Variants in JHY observed in about 807,000 individuals in gnomAD.
JHY encodes jhy protein homolog.
Under a neutral mutation model 78.0 loss-of-function variants are expected in JHY, and 69 were observed. The ratio of observed to expected loss-of-function variants is 0.88; its 90% CI spans 0.73 to 1.08. The LOEUF (loss-of-function observed/expected upper bound fraction) is 1.08, where lower values mean the gene tolerates loss of function less well. JHY is among the 50% of genes least tolerant of loss of function. JHY has a pLI of 0.00. For missense variants in JHY, 944 were observed against 927.8 expected, an observed-to-expected ratio of 1.02 and a Z score of -0.23; for synonymous variants, 368 against 342.6, an observed-to-expected ratio of 1.07 and a Z score of -0.82.
rs575515968 is a variant in JHY at position 122,883,297 on chromosome 11, G to T, written c.-90+325G>T. Among the ~76,000 whole-genome samples the T allele has an allele frequency of 6.6e-6, 1 of 152,282 alleles. No individual in the cohort carries two copies. The highest frequency in any genetic ancestry group is 2.1e-4 in the South Asian group (1 of 4,824). On this transcript the variant is annotated intron_variant, in intron 1 of 8. Transcript: ENST00000227349. The surrounding 1 kb of genome is among the most constrained non-coding windows in gnomAD (Gnocchi z 4.4). ...CCCTTGTGACAGGCCTTGTTCCTCA[G>T]GAACAAGCAAAGGTAGAAAACCGAA...
At position 122,898,804 on chromosome 11, in the gene JHY, C is replaced by A. The variant is rs1338892466; in HGVS notation, c.345-5121C>A. Among the ~76,000 whole-genome samples, 1 of 152,240 alleles carries A rather than the reference C, an allele frequency of 6.6e-6. No homozygotes were observed. Among genetic ancestry groups the A allele is most frequent in the African/African-American group, 2.4e-5 (1 of 41,464 alleles). On this transcript the variant is annotated intron_variant, in intron 2 of 8. Transcript: ENST00000227349. The surrounding 1 kb of genome is among the most constrained non-coding windows in gnomAD (Gnocchi z 4.4). ...GGTTAATTTTGTTAAGCCCGAGCTGCTTCAAGTGTTTGCAACGTCCCTCGA... is the reference window on the plus strand; with the variant it reads ...GGTTAATTTTGTTAAGCCCGAGCTGATTCAAGTGTTTGCAACGTCCCTCGA...
intron 3 of JHY, among the ~76,000 whole-genome samples, chr11:122,906,636 T>C (rs564785763): frequency 1.3e-5 from 2 of 152,340 alleles, no homozygotes; most frequent in Middle Eastern, 6.8e-3. Context: ...TAGTCTGAGG[T>C]CAAAAGAAAT....
chr11:122,902,482 G>A (rs1412409886), intron 2 of JHY, among the ~76,000 whole-genome samples: 1 of 151,952 alleles, frequency 6.6e-6, no homozygotes, highest in Non-Finnish European at 1.5e-5. Flanking sequence ...AAAAAGTATA[G>A]TATAGTGTAT....
chr11:122,942,115 A>G (rs1591394712), intron 5 of JHY, among the ~76,000 whole-genome samples: 1 of 151,906 alleles, frequency 6.6e-6, no homozygotes, highest in Admixed American at 6.6e-5. Flanking sequence ...CTGGTGATCC[A>G]CCCACCTCGG....
chr11:122,889,160 T>C (rs1054045974), intron 2 of JHY, among the ~76,000 whole-genome samples: 1 of 152,232 alleles, frequency 6.6e-6, no homozygotes, highest in Non-Finnish European at 1.5e-5. Context: ...TGTCCTATTA[T>C]AGATTTAAAT....
intron 4 of JHY, among the ~76,000 whole-genome samples, chr11:122,926,512 A>T (rs2135343784): frequency 6.6e-6 from 1 of 152,324 alleles, no homozygotes; most frequent in African/African-American, 2.4e-5. Context: ...GCAAAAAAAG[A>T]AATAAAAAGT....
chr11:122,962,833 A>G lies in JHY; in HGVS notation c.*3388A>G, dbSNP rs545412577. Among the ~76,000 whole-genome samples the G allele has an allele frequency of 1.3e-5, 2 of 152,330 alleles. No homozygotes were observed. The highest frequency in any genetic ancestry group is 4.8e-5 in the African/African-American group (2 of 41,584). On this transcript the variant is annotated 3_prime_UTR_variant, in exon 9 of 9. Transcript: ENST00000227349. ...GAAAGGTTACATGACTCGGAAGTCC[A>G]TCAGTCCTACTGAGAGTAATGGGAG...
Position 122,959,424 on chromosome 11 carries a change from C to A in JHY, c.2316C>A (p.Phe772Leu). The change falls in exon 9 of 9, where the codon TTC becomes TTA. Residue 772 changes from phenylalanine (F) to leucine (L), a missense_variant. Coordinates refer to ENST00000227349, the MANE Select transcript of JHY (RefSeq NM_024806.4). ...HEREKQAVAA[F>L]KVLHIV ...GGGAAAAACAGGCTGTGGCTGCTTTCAAAGTCCTTCACATCGTATAGACAA... is the reference window on the plus strand; with the variant it reads ...GGGAAAAACAGGCTGTGGCTGCTTTAAAAGTCCTTCACATCGTATAGACAA... 1 of 1,614,078 alleles carries A rather than the reference C, an allele frequency of 6.2e-7. No individual in the cohort carries two copies. Among genetic ancestry groups the A allele is most frequent in the South Asian group, 1.1e-5 (1 of 91,064 alleles).
rs561731399 is a variant in JHY, at chr11:122,963,391, G to T, written c.*3946G>T. Among the ~76,000 whole-genome samples, 20 of 152,288 alleles carry T rather than the reference G, an allele frequency of 1.3e-4. No homozygotes were observed. The highest frequency in any genetic ancestry group is 3.9e-4 in the Admixed American group (6 of 15,298). On this transcript the variant is annotated 3_prime_UTR_variant, in exon 9 of 9. Coordinates refer to ENST00000227349, the MANE Select transcript of JHY (RefSeq NM_024806.4). ...ATTAAAATTCTTTATATAGTGCCAT[G>T]TGGCATCTAAAATAACTTTGGCTAG...
Position 122,957,430 on chromosome 11 carries a change from C to G in JHY, c.2078C>G (p.Ser693Cys). 1 of 1,535,088 alleles carries G rather than the reference C, an allele frequency of 6.5e-7. No homozygotes were observed. The highest frequency in any genetic ancestry group is 8.7e-7 in the Non-Finnish European group (1 of 1,152,734). ...AAGGAGTACAACATGAAGACACTAT[C>G]CATTCTATCAAAACCACAAACAGAA... Reference protein sequence around the residue: ...QVKEYNMKTLSILSKPQTEKT... With the variant: ...QVKEYNMKTLCILSKPQTEKT... The change falls in exon 8 of 9, where the codon TCC becomes TGC. Residue 693 changes from serine (S) to cysteine (C), a missense_variant. By Grantham distance (112) the Ser-to-Cys change is moderately radical (BLOSUM62 -1). Coordinates refer to ENST00000227349, the MANE Select transcript of JHY (RefSeq NM_024806.4).
At chr11:122,947,816 T>A (rs1863997329) in intron 6 of JHY, among the ~76,000 whole-genome samples, 1 of 152,138 alleles carries the variant, frequency 6.6e-6, no homozygotes, top group African/African-American at 2.4e-5. Context: ...TGGGCAGAGA[T>A]GGGCTGTGAT....
rs533714162 is a variant in JHY, at chr11:122,888,993, C to A, written c.344+2800C>A. Among the ~76,000 whole-genome samples, 4 of 152,246 alleles carry A rather than the reference C, an allele frequency of 2.6e-5. No individual in the cohort carries two copies. In the South Asian group the frequency reaches 8.3e-4, roughly 32 times the overall value. Reference sequence around the variant, plus strand: ...GTCCTCGTGTGCCTCCTTGGGTATGCATGCAAGGCTTTCCTTAGGGTATAA... The same window carrying A: ...GTCCTCGTGTGCCTCCTTGGGTATGAATGCAAGGCTTTCCTTAGGGTATAA... On this transcript the variant is annotated intron_variant, in intron 2 of 8. Transcript: ENST00000227349.
intron 3 of JHY, among the ~76,000 whole-genome samples, chr11:122,908,832 G>A (rs1863049336): frequency 6.6e-6 from 1 of 152,108 alleles, no homozygotes; most frequent in African/African-American, 2.4e-5. Context: ...CAGAGCAGCT[G>A]GGATTACAGG....
chr11:122,896,470 T>A (rs1862743291), intron 2 of JHY, among the ~76,000 whole-genome samples: 1 of 152,162 alleles, frequency 6.6e-6, no homozygotes, highest in Non-Finnish European at 1.5e-5. Context: ...TGTTAAAATG[T>A]TTCATCATGT....
chr11:122,958,288 T>A (rs1031072293), intron 8 of JHY, among the ~76,000 whole-genome samples: 2 of 152,190 alleles, frequency 1.3e-5, no homozygotes, highest in African/African-American at 2.4e-5. Flanking sequence ...GAACAAGAGA[T>A]CCTTTGGTGC....
chr11:122,898,833 C>G lies in JHY; in HGVS notation c.345-5092C>G, dbSNP rs1862787969. On this transcript the variant is annotated intron_variant, in intron 2 of 8. Transcript: ENST00000227349. The surrounding 1 kb of genome is among the most constrained non-coding windows in gnomAD (Gnocchi z 4.4). ...AAGTGTTTGCAACGTCCCTCGAGAT[C>G]TGACCTTTGCTTGCCCTTGAGCTGT... 6.6e-6 allele frequency among the ~76,000 whole-genome samples: 1 copy of G among 152,252 alleles called. No homozygotes were observed. Among genetic ancestry groups the G allele is most frequent in the Admixed American group, 6.5e-5 (1 of 15,282 alleles).
At chr11:122,886,563 T>C (rs1862500612) in intron 2 of JHY, among the ~76,000 whole-genome samples, 1 of 152,184 alleles carries the variant, frequency 6.6e-6, no homozygotes, top group Non-Finnish European at 1.5e-5. Flanking sequence ...GTGTATAATC[T>C]GGAATAAATC....
Position 122,959,547 on chromosome 11 carries a change from A to G in JHY, c.*102A>G. On this transcript the variant is annotated 3_prime_UTR_variant, in exon 9 of 9. Coordinates refer to ENST00000227349, the MANE Select transcript of JHY (RefSeq NM_024806.4). ...GCGTTGAGAGTAATGGCCTATTATT[A>G]TCATCTATCTGCCGTCCATGTTTGC... The G allele has an allele frequency of 9.3e-7, 1 of 1,080,256 alleles. No individual in the cohort carries two copies. The allele number at this position is 1,080,256 out of a possible 1,614,324, so 66.9% of individuals were successfully genotyped here.
chr11:122,916,795 C>T (rs1173767993), intron 3 of JHY, among the ~76,000 whole-genome samples: 2 of 151,918 alleles, frequency 1.3e-5, no homozygotes, highest in African/African-American at 4.8e-5. Context: ...CCTGCCATGA[C>T]GCCCAGCTAA....
Sources: allele counts gnomAD v4.1 joint callset (sites outside exome capture counted in the v4.1 genomes callset), GRCh38; gene constraint gnomAD v4.1.1; non-coding constraint Gnocchi (gnomAD v3.1); transcripts MANE v1.5; gene names NCBI Gene and HGNC (gene_info 2026-07-23, HGNC 2026-07-21).